The following CCDC146 variants were observed in gnomAD, a reference collection of about 807,000 sequenced individuals.
CCDC146 encodes coiled-coil domain-containing protein 146.
CCDC146 carries 92 observed loss-of-function variants against 119.3 expected under a neutral mutation model. The observed-to-expected ratio is 0.77, with a 90% CI of 0.65 to 0.92. The LOEUF (loss-of-function observed/expected upper bound fraction) is 0.92, where lower values mean the gene tolerates loss of function less well. Among genes scored for constraint, CCDC146 ranks in the 40% least tolerant of loss-of-function variants. CCDC146 has a pLI of 0.00. For synonymous variants in CCDC146, 372 were observed against 371.8 expected, an observed-to-expected ratio of 1.00 and a Z score of -0.01; for missense variants, 1,000 against 1,103.0, an observed-to-expected ratio of 0.91 and a Z score of 1.32.
At chr7:77,240,972 GT>G (rs146867569) in intron 3 of CCDC146, among the ~76,000 whole-genome samples, 12 of 108,630 alleles carry the variant, frequency 1.1e-4, no homozygotes, top group African/African-American at 2.8e-4. Flanking sequence ...GACATTTTTT[GT>G]TTTTTTTTGT....
intron 1 of CCDC146, among the ~76,000 whole-genome samples, chr7:77,141,970 TAGTCATGA>T (rs1346442886): frequency 1.3e-4 from 20 of 152,344 alleles, no homozygotes; most frequent in African/African-American, 4.6e-4. Context: ...TTTGGTGTCT[TAGTCATGA>T]AGTCTTTGCC....
chr7:77,242,306 C>A, intron 4 of CCDC146: 2 of 843,928 alleles, frequency 2.4e-6, no homozygotes. Flanking sequence ...TCCAAACAAG[C>A]CTCCATGAGC....
At position 77,241,258 on chromosome 7, in the gene CCDC146, T is replaced by G. The variant is rs527798687; in HGVS notation, c.240-433T>G. Among the ~76,000 whole-genome samples, 206 of 94,484 alleles carry G rather than the reference T, an allele frequency of 2.2e-3. 42 individuals carry two copies. The highest frequency in any genetic ancestry group is 5.2e-3 in the African/African-American group (188 of 36,338). 62.0% of individuals were successfully genotyped at this position (94,484 alleles called of 152,430 possible). ...ATTTTTAGTAGAGACGGGGTTTCACTGTGTTAGCCAGAACGGTTTCGATCT... is the reference window on the plus strand; with the variant it reads ...ATTTTTAGTAGAGACGGGGTTTCACGGTGTTAGCCAGAACGGTTTCGATCT... On this transcript the variant is annotated intron_variant, in intron 3 of 18. Coordinates refer to ENST00000285871, the MANE Select transcript of CCDC146 (RefSeq NM_020879.3).
At chr7:77,275,422 A>C (rs557307963) in intron 11 of CCDC146, among the ~76,000 whole-genome samples, 61 of 152,340 alleles carry the variant, frequency 4.0e-4, no homozygotes, top group Non-Finnish European at 7.1e-4. Context: ...CCAAGATTCA[A>C]TTAACAGTAA....
Position 77,282,708 on chromosome 7 carries a change from A to C in CCDC146, c.2071A>C (p.Arg691=). The C allele has an allele frequency of 6.2e-7, 1 of 1,614,254 alleles. No individual in the cohort carries two copies. The highest frequency in any genetic ancestry group is 1.7e-5 in the Admixed American group (1 of 60,032). Residue 691 remains arginine, a synonymous_variant, in exon 15 of 19, where the codon AGA becomes CGA. Coordinates refer to ENST00000285871, the MANE Select transcript of CCDC146 (RefSeq NM_020879.3). ...FLKMKIAEKQ[R]QICVTQKLLP... ...GAAAATGAAGATTGCTGAGAAGCAA[A>C]GACAAATTTGTGTGACCCAGAAATT...
chr7:77,293,714 G>A (rs56297247), intron 18 of CCDC146, among the ~76,000 whole-genome samples: 25,765 of 152,082 alleles, frequency 0.17, 3,838 homozygotes, highest in African/African-American at 0.4. Flanking sequence ...CTAAGACTAG[G>A]TCTATTGCTG....
At chr7:77,244,003 G>C (rs1342209760) in intron 4 of CCDC146, among the ~76,000 whole-genome samples, 2 of 152,104 alleles carry the variant, frequency 1.3e-5, no homozygotes, top group Non-Finnish European at 2.9e-5. Flanking sequence ...TCAGCCTCCT[G>C]AGTAGCTGGG....
chr7:77,173,071 C>A (rs1233306085), intron 2 of CCDC146, among the ~76,000 whole-genome samples: 1 of 152,024 alleles, frequency 6.6e-6, no homozygotes, highest in Non-Finnish European at 1.5e-5. Flanking sequence ...GAACAACACA[C>A]ACCAGGGCCT....
intron 1 of CCDC146, among the ~76,000 whole-genome samples, chr7:77,145,595 C>T (rs934151571): frequency 5.3e-5 from 8 of 152,128 alleles, no homozygotes; most frequent in African/African-American, 1.9e-4. Flanking sequence ...TTAAATGTGT[C>T]CCAGAGATTC....
chr7:77,187,258 G>T (rs1791682039), intron 2 of CCDC146, among the ~76,000 whole-genome samples: 1 of 152,174 alleles, frequency 6.6e-6, no homozygotes, highest in African/African-American at 2.4e-5. Context: ...ACTGAGTAGA[G>T]GTTACTTCCT....
intron 1 of CCDC146, among the ~76,000 whole-genome samples, chr7:77,146,645 A>G (rs778252167): frequency 7.2e-5 from 11 of 151,862 alleles, no homozygotes; most frequent in Non-Finnish European, 1.3e-4. Context: ...TCTGTAAAGT[A>G]TTTTATTTCT....
chr7:77,266,180 GT>G (rs1793399390), intron 9 of CCDC146, among the ~76,000 whole-genome samples: 2 of 152,152 alleles, frequency 1.3e-5, no homozygotes, highest in African/African-American at 4.8e-5. Flanking sequence ...ATAAGATCAT[GT>G]CCAAGATTGT....
At chr7:77,211,080 G>A (rs3114368) in intron 2 of CCDC146, among the ~76,000 whole-genome samples, 67,670 of 151,908 alleles carry the variant, frequency 0.45, 17,577 homozygotes, top group African/African-American at 0.72. Flanking sequence ...TATACATTAG[G>A]GTATCTATAA....
chr7:77,262,457 T>G, intron 9 of CCDC146, 150 bp downstream of exon 9: 1 of 613,166 alleles, frequency 1.6e-6, no homozygotes, highest in South Asian at 2.3e-5. Flanking sequence ...AAGCCTATTA[T>G]GAAATCTATA....
At chr7:77,147,572 G>A (rs1477602537) in intron 1 of CCDC146, among the ~76,000 whole-genome samples, 8 of 152,250 alleles carry the variant, frequency 5.3e-5, no homozygotes, top group Middle Eastern at 3.4e-3. Flanking sequence ...TGATGGTGAC[G>A]TACAGATGGG....
chr7:77,292,814 A>T, intron 17 of CCDC146, 138 bp from the exon 18 acceptor site: 1 of 818,060 alleles, frequency 1.2e-6, no homozygotes, highest in Non-Finnish European at 1.9e-6. Context: ...TCCAGTTCTT[A>T]ATTTCTGTGA....
intron 5 of CCDC146, among the ~76,000 whole-genome samples, chr7:77,254,799 T>C (rs1043329652): frequency 2.0e-5 from 3 of 152,222 alleles, no homozygotes; most frequent in African/African-American, 7.2e-5. Flanking sequence ...AGTTGGACAA[T>C]ATCTGCTTTG....
chr7:77,200,489 T>C (rs2150436413), intron 2 of CCDC146, among the ~76,000 whole-genome samples: 1 of 152,360 alleles, frequency 6.6e-6, no homozygotes, highest in South Asian at 2.1e-4. Flanking sequence ...AGGACATAAT[T>C]GTCTTTCATC....
intron 18 of CCDC146, among the ~76,000 whole-genome samples, chr7:77,293,541 C>T (rs1032153517): frequency 6.6e-6 from 1 of 152,216 alleles, no homozygotes; most frequent in Non-Finnish European, 1.5e-5. Flanking sequence ...CTTGGCACCT[C>T]TGCTCAGACC....
Sources: allele counts gnomAD v4.1 joint callset (sites outside exome capture counted in the v4.1 genomes callset), GRCh38; gene constraint gnomAD v4.1.1; transcripts MANE v1.5; gene names NCBI Gene and HGNC (gene_info 2026-07-23, HGNC 2026-07-21).